Variants in PARG observed in about 807,000 individuals in gnomAD.
PARG encodes mitochondrial poly(ADP-ribose) glycohydrolase.
PARG carries 35 observed loss-of-function variants against 113.0 expected under a neutral mutation model. The observed-to-expected ratio is 0.31, with a 90% CI of 0.24 to 0.41. The LOEUF is 0.41. Ranked by LOEUF, PARG falls within the 10% of genes least tolerant of loss-of-function variation. The pLI, the probability that PARG is intolerant of heterozygous loss-of-function variation, is 1.00. For missense variants in PARG, 797 were observed against 1,169.4 expected, an observed-to-expected ratio of 0.68 and a Z score of 4.64; for synonymous variants, 330 against 409.9, an observed-to-expected ratio of 0.81 and a Z score of 2.36.
At chr10:49,867,047 A>G (rs1846549861) in intron 10 of PARG, 1 of 152,154 alleles carries the variant, frequency 6.6e-6, no homozygotes, top group Non-Finnish European at 1.5e-5. Flanking sequence ...ACTGGAACAC[A>G]TCTTTTATAA....
intron 8 of PARG, among the ~76,000 whole-genome samples, chr10:49,881,530 T>C (rs535553710): frequency 6.6e-6 from 1 of 151,964 alleles, no homozygotes; most frequent in East Asian, 1.9e-4. Flanking sequence ...GAACTAAGAG[T>C]TTCAGGTAAC....
At chr10:49,901,498 GCATA>G (rs1399113854) in intron 7 of PARG, among the ~76,000 whole-genome samples, 2 of 151,458 alleles carry the variant, frequency 1.3e-5, no homozygotes, top group African/African-American at 4.9e-5. Flanking sequence ...CAAGTAACGT[GCATA>G]CATACATATT....
intron 1 of PARG, among the ~76,000 whole-genome samples, chr10:49,937,224 C>T (rs1159022230): frequency 1.3e-5 from 2 of 152,168 alleles, no homozygotes; most frequent in Admixed American, 1.3e-4. Flanking sequence ...TGCCTGTAAT[C>T]CCAACACTTT....
chr10:49,869,585 A>T (rs1554837548), intron 9 of PARG, 30 bp from the exon 10 acceptor site: 3 of 983,852 alleles, frequency 3.0e-6, no homozygotes, highest in Non-Finnish European at 4.8e-6. Flanking sequence ...AGAGAATGGA[A>T]GATAAGTTAA....
At chr10:49,909,279 T>A (rs1837033876) in intron 7 of PARG, among the ~76,000 whole-genome samples, 1 of 151,810 alleles carries the variant, frequency 6.6e-6, no homozygotes, top group Admixed American at 6.6e-5. Context: ...AACTTTTTAT[T>A]ATATAATAAA....
At chr10:49,848,292 T>C (rs1845604501) in intron 13 of PARG, among the ~76,000 whole-genome samples, 1 of 149,326 alleles carries the variant, frequency 6.7e-6, no homozygotes, top group Admixed American at 6.7e-5. Flanking sequence ...GAGGTTGCAG[T>C]AAGCTGAGAT....
At chr10:49,827,840 A>C (rs1256726190) in intron 16 of PARG, among the ~76,000 whole-genome samples, 1 of 152,146 alleles carries the variant, frequency 6.6e-6, no homozygotes, top group Non-Finnish European at 1.5e-5. Flanking sequence ...GTCTGCAATA[A>C]TTGACTATGT....
At chr10:49,906,527 T>C (rs1298438333) in intron 7 of PARG, among the ~76,000 whole-genome samples, 2 of 152,196 alleles carry the variant, frequency 1.3e-5, no homozygotes, top group African/African-American at 4.8e-5. Context: ...AAAGACCGAC[T>C]CTGACAGCAT....
chr10:49,836,637 C>T (rs1554831167), intron 15 of PARG, among the ~76,000 whole-genome samples: 7 of 152,046 alleles, frequency 4.6e-5, no homozygotes, highest in Admixed American at 2.6e-4. Context: ...ACATTTTGAA[C>T]ATTCTCGAAA....
chr10:49,891,527 T>A (rs1377707648), intron 7 of PARG, among the ~76,000 whole-genome samples: 1 of 135,778 alleles, frequency 7.4e-6, no homozygotes, highest in African/African-American at 2.8e-5. Context: ...AATTTTTCAA[T>A]AAGAAGTACA....
intron 7 of PARG, among the ~76,000 whole-genome samples, chr10:49,893,951 G>C (rs546870910): frequency 1.1e-4 from 17 of 152,180 alleles, no homozygotes; most frequent in African/African-American, 4.1e-4. Flanking sequence ...ACCCACCTTG[G>C]CCTCCCAAAG....
chr10:49,849,870 T>C (rs1342533772), intron 13 of PARG, among the ~76,000 whole-genome samples: 5 of 151,126 alleles, frequency 3.3e-5, no homozygotes, highest in Non-Finnish European at 7.4e-5. Context: ...AAAAAAAAGT[T>C]AGGTGGGTGC....
chr10:49,907,333 CA>C (rs1564647728), intron 7 of PARG, among the ~76,000 whole-genome samples: 1 of 152,048 alleles, frequency 6.6e-6, no homozygotes, highest in Non-Finnish European at 1.5e-5. Flanking sequence ...ATTATCATCA[CA>C]ATAAATCGAG....
chr10:49,841,541 G>C (rs187442219), intron 15 of PARG, among the ~76,000 whole-genome samples: 1 of 152,210 alleles, frequency 6.6e-6, no homozygotes, highest in African/African-American at 2.4e-5. Flanking sequence ...ACCTAAAATA[G>C]AACAACATTT....
chr10:49,927,369 G>GGAAAGAAGGAAAGAAAGAAAGAAAGAAA (rs1247056972), intron 4 of PARG, among the ~76,000 whole-genome samples: 61 of 130,758 alleles, frequency 4.7e-4, no homozygotes, highest in Admixed American at 1.5e-3. Context: ...AAGGAAAGAA[G>GGAAAGAAGGAAAGAAAGAAAGAAAGAAA]GAAAGAAAGA....
intron 8 of PARG, among the ~76,000 whole-genome samples, chr10:49,884,044 C>T (rs1847343277): frequency 6.6e-6 from 1 of 152,066 alleles, no homozygotes; most frequent in Non-Finnish European, 1.5e-5. Context: ...GTTCTGCCAA[C>T]AGCTCTGTAA....
chr10:49,920,497 T>TACAC (rs1201395602), intron 6 of PARG, among the ~76,000 whole-genome samples: 10 of 63,728 alleles, frequency 1.6e-4, no homozygotes, highest in African/African-American at 5.2e-4. Flanking sequence ...TATATATATA[T>TACAC]ACACACACAC....
intron 6 of PARG, among the ~76,000 whole-genome samples, chr10:49,920,596 ATATATACG>A (rs1410448953): frequency 7.0e-6 from 1 of 143,508 alleles, no homozygotes; most frequent in Non-Finnish European, 1.5e-5. Context: ...ACATATATAC[ATATATACG>A]TACATATATA....
At position 49,857,352 on chromosome 10, in the gene PARG, C is replaced by A. The variant is rs1407963994; in HGVS notation, c.2307G>T (p.Arg769=). Residue 769 remains arginine, a synonymous_variant, in exon 13 of 18, where the codon CGG becomes CGT. Transcript: ENST00000616448. ...TGTGATCCAGCACCTCAGTGAAGAG[C>A]CGTGAAATAATCAACTCAGGATTGA... The part of the protein sequence containing the change: ...FLINPELIIS[R]LFTEVLDHNE... 6 of 1,256,914 alleles carry A rather than the reference C, an allele frequency of 4.8e-6. No individual in the cohort carries two copies. The African/African-American group carries it at 5.9e-5, about 12-fold the overall frequency. 77.9% of individuals were successfully genotyped at this position (1,256,914 alleles called of 1,614,324 possible). A position where few individuals can be genotyped will look rare whatever the true frequency, so the allele number is the denominator to read the frequency against.
Sources: allele counts gnomAD v4.1 joint callset (sites outside exome capture counted in the v4.1 genomes callset), GRCh38; gene constraint gnomAD v4.1.1; transcripts MANE v1.5; gene names NCBI Gene and HGNC (gene_info 2026-07-23, HGNC 2026-07-21).